Variants in SLC2A14 observed in about 807,000 individuals in gnomAD.
SLC2A14 encodes the protein solute carrier family 2, facilitated glucose transporter member 14.
A neutral mutation model predicts 43.0 loss-of-function variants in SLC2A14; 13 were observed. The ratio of observed to expected loss-of-function variants is 0.30; its 90% CI spans 0.20 to 0.48. The LOEUF (loss-of-function observed/expected upper bound fraction) is 0.48, where lower values mean the gene tolerates loss of function less well. SLC2A14 is among the 20% of genes least tolerant of loss of function. The pLI is 0.99. For missense variants in SLC2A14, 428 were observed against 620.4 expected (o/e 0.69, Z 3.29); for synonymous variants, 190 against 233.8 (o/e 0.81, Z 1.71).
intron 2 of SLC2A14, among the ~76,000 whole-genome samples, chr12:7,834,901 T>C (rs1357559763): frequency 6.6e-6 from 1 of 152,056 alleles, no homozygotes; most frequent in African/African-American, 2.4e-5. Flanking sequence ...TATAACTGTT[T>C]GTTGATGTGC....
intron 4 of SLC2A14, among the ~76,000 whole-genome samples, chr12:7,830,296 C>A (rs769071585): frequency 2.7e-4 from 41 of 152,018 alleles, no homozygotes; most frequent in African/African-American, 9.6e-4. Flanking sequence ...GGATAACAGG[C>A]GCCTGCCACC....
At chr12:7,857,720 C>A (rs1272576853) in intron 2 of SLC2A14, among the ~76,000 whole-genome samples, 1 of 152,144 alleles carries the variant, frequency 6.6e-6, no homozygotes, top group African/African-American at 2.4e-5. Flanking sequence ...GACAGAGAGT[C>A]TCCCTATGTT....
intron 7 of SLC2A14, among the ~76,000 whole-genome samples, chr12:7,824,596 A>T (rs1477901089): frequency 6.6e-6 from 1 of 150,872 alleles, no homozygotes; most frequent in African/African-American, 2.4e-5. Flanking sequence ...AGCCAGGCGA[A>T]GTGGTGCACG....
At chr12:7,891,073 C>T in exon 1 of SLC2A14, 5 of 1,535,150 alleles carry the variant, frequency 3.3e-6, no homozygotes, top group East Asian at 2.4e-5. Flanking sequence ...CGCATTTCAT[C>T]TCCTTGTTTC....
At chr12:7,863,444 G>A (rs1293695531) in intron 2 of SLC2A14, 2 of 453,228 alleles carry the variant, frequency 4.4e-6, no homozygotes, top group Non-Finnish European at 4.4e-6. Context: ...GGCCACCATT[G>A]TGAAACTCCA....
intron 10 of SLC2A14, among the ~76,000 whole-genome samples, chr12:7,816,630 G>A (rs1315855535): frequency 2.6e-5 from 4 of 151,760 alleles, no homozygotes; most frequent in African/African-American, 7.3e-5. Flanking sequence ...TTGGGAGGCT[G>A]AGGTGGGAGG....
chr12:7,875,081 ATATTCT>A (rs1945430387), upstream of SLC2A14, among the ~76,000 whole-genome samples: 1 of 64,894 alleles, frequency 1.5e-5, no homozygotes, highest in African/African-American at 6.0e-5. Flanking sequence ...ATTATATTTA[ATATTCT>A]ATTTAAATTT....
At chr12:7,816,459 G>A (rs1257143533) in intron 10 of SLC2A14, among the ~76,000 whole-genome samples, 2 of 149,746 alleles carry the variant, frequency 1.3e-5, no homozygotes, top group Admixed American at 6.7e-5. Flanking sequence ...GGCTGGTCTC[G>A]AACTCCTGAC....
intron 2 of SLC2A14, chr12:7,839,571 G>A (rs1865753169): frequency 3.7e-6 from 1 of 270,546 alleles, no homozygotes; most frequent in East Asian, 1.4e-4. Flanking sequence ...GCAGAAGCAT[G>A]ACATCAGTTG....
chr12:7,855,394 G>A (rs1300444166), intron 2 of SLC2A14, among the ~76,000 whole-genome samples: 6 of 152,034 alleles, frequency 3.9e-5, no homozygotes, highest in Admixed American at 3.9e-4. Flanking sequence ...TCCTGCCTCA[G>A]CCTCCAAAAG....
At chr12:7,885,724 T>C (rs1296158848) in intron 1 of SLC2A14, among the ~76,000 whole-genome samples, 2 of 152,082 alleles carry the variant, frequency 1.3e-5, no homozygotes, top group East Asian at 1.9e-4. Context: ...GACAGATTTC[T>C]GGGCCCACCT....
At chr12:7,869,525 A>G (rs1441388053) in intron 2 of SLC2A14, among the ~76,000 whole-genome samples, 1 of 152,190 alleles carries the variant, frequency 6.6e-6, no homozygotes, top group Non-Finnish European at 1.5e-5. Context: ...GTATATAGCC[A>G]TGGTTCTTTC....
At position 7,846,826 on chromosome 12, in the gene SLC2A14, G is replaced by A. The variant is rs750866119; in HGVS notation, c.19-14012C>T. 1.4e-3 allele frequency among the ~76,000 whole-genome samples: 211 copies of A among 151,560 alleles called. 1 individual carries two copies. The highest frequency in any genetic ancestry group is 4.8e-3 in the African/African-American group (200 of 41,390). On this transcript the variant is annotated intron_variant, in intron 2 of 10. Coordinates refer to ENST00000431042, the MANE Select transcript of SLC2A14 (RefSeq NM_001286234.2). The stretch of plus-strand genomic sequence containing the variant: ...TTTTTGTATTTTTAGTAGAGACAGG[G>A]TTTCACTGTGTTGGCCAGGCTGGTC...
chr12:7,827,093 T>TTCTG (rs1864551715), intron 7 of SLC2A14, among the ~76,000 whole-genome samples: 1 of 100,378 alleles, frequency 1.0e-5, no homozygotes, highest in Non-Finnish European at 2.0e-5. Context: ...CTTTCTTTCT[T>TTCTG]TCTCTTTCTT....
chr12:7,834,599 G>A (rs1409892717), intron 2 of SLC2A14, among the ~76,000 whole-genome samples: 2 of 148,748 alleles, frequency 1.3e-5, no homozygotes, highest in South Asian at 4.2e-4. Context: ...TATGGTAATG[G>A]CAGGTGCCTA....
In SLC2A14 at chr12:7,814,248, A is replaced by G. The variant is rs11055940; in HGVS notation, c.*68T>C. On this transcript the variant is annotated 3_prime_UTR_variant, in exon 11 of 11. Coordinates refer to ENST00000431042, the MANE Select transcript of SLC2A14 (RefSeq NM_001286234.2). Reference sequence around the variant, plus strand: ...GAAGCAGTCCTGGGTTCATCCTGATAAAGTCTCTCCCTTGTTGAGGGAGAG... The same window carrying G: ...GAAGCAGTCCTGGGTTCATCCTGATGAAGTCTCTCCCTTGTTGAGGGAGAG... 122,008 of 1,330,534 alleles carry G rather than the reference A, an allele frequency of 0.092. 21,522 individuals are homozygous for G. The highest frequency in any genetic ancestry group is 0.17 in the Admixed American group (7,587 of 43,910). 82.4% of individuals were successfully genotyped at this position (1,330,534 alleles called of 1,614,324 possible).
chr12:7,827,893 C>T (rs958156343), intron 6 of SLC2A14, among the ~76,000 whole-genome samples: 1 of 152,106 alleles, frequency 6.6e-6, no homozygotes, highest in African/African-American at 2.4e-5. Context: ...GTAATCCCAG[C>T]ATTTTGTGAG....
Position 7,821,915 on chromosome 12 carries a change from C to T in SLC2A14, c.865-590G>A, listed in dbSNP as rs188514027. Among the ~76,000 whole-genome samples the T allele has an allele frequency of 3.0e-3, 457 of 151,418 alleles. 3 individuals are homozygous for T. Among genetic ancestry groups the T allele is most frequent in the African/African-American group, 0.011 (435 of 41,270 alleles). On this transcript the variant is annotated intron_variant, in intron 7 of 10. Coordinates refer to ENST00000431042, the MANE Select transcript of SLC2A14 (RefSeq NM_001286234.2). The stretch of plus-strand genomic sequence containing the variant: ...TCTCGGCTCACTGCAACCTCTACCT[C>T]CCGGGTTCAAGCGATTCTCCTGCCT...
intron 1 of SLC2A14, among the ~76,000 whole-genome samples, chr12:7,882,094 T>C (rs1340405461): frequency 2.6e-5 from 4 of 151,996 alleles, no homozygotes; most frequent in Non-Finnish European, 4.4e-5. Flanking sequence ...CTTGGAGGCT[T>C]TGTTCTTTTT....
Sources: gnomAD v4.1 joint callset for allele counts (sites outside exome capture counted in the v4.1 genomes callset) on GRCh38, gnomAD v4.1.1 for gene constraint, MANE v1.5 for transcripts, NCBI Gene and HGNC (gene_info 2026-07-23, HGNC 2026-07-21) for gene names.